Variants in RANBP2 observed in about 807,000 individuals in gnomAD.
RANBP2 encodes RAN binding protein 2, also known as E3 SUMO-protein ligase RanBP2.
A neutral mutation model predicts 303.6 loss-of-function variants in RANBP2; 57 were observed. That is an observed-to-expected ratio of 0.19 (90% CI 0.15 to 0.23). The LOEUF is 0.23. RANBP2 is among the 10% of genes least tolerant of loss of function. The pLI, the probability that RANBP2 is intolerant of heterozygous loss-of-function variation, is 1.00. For synonymous variants in RANBP2, 1,167 were observed against 1,301.5 expected, an observed-to-expected ratio of 0.90 and a Z score of 2.23; for missense variants, 3,138 against 3,780.8, an observed-to-expected ratio of 0.83 and a Z score of 4.46.
chr2:109,718,350 T>C, the RANBP2 span, among the ~76,000 whole-genome samples: 2 of 152,164 alleles, frequency 1.3e-5, no homozygotes, highest in African/African-American at 4.8e-5. Context: ...AAAGAAAATG[T>C]GGTATATCCA....
chr2:108,998,491 C>T, the RANBP2 span, among the ~76,000 whole-genome samples: 8 of 152,218 alleles, frequency 5.3e-5, no homozygotes, highest in Non-Finnish European at 1.0e-4. Flanking sequence ...CAATCCTCCT[C>T]GTTTCCTGAA....
At chr2:109,398,698 G>T in the RANBP2 span, 1 of 1,611,802 alleles carries the variant, frequency 6.2e-7, no homozygotes, top group Non-Finnish European at 8.5e-7. Flanking sequence ...GGCCAGCGTG[G>T]CCCCAAGTCC....
the RANBP2 span, among the ~76,000 whole-genome samples, chr2:109,120,233 C>T: frequency 2.0e-5 from 3 of 152,184 alleles, no homozygotes; most frequent in African/African-American, 4.8e-5. Flanking sequence ...GGGAGGGCCT[C>T]CCAGTATAGG....
At chr2:108,959,557 C>A in the RANBP2 span, among the ~76,000 whole-genome samples, 5 of 152,120 alleles carry the variant, frequency 3.3e-5, no homozygotes, top group Non-Finnish European at 7.3e-5. Context: ...TTCCAAGGGA[C>A]CTGGTTCTCA....
At chr2:109,193,585 T>A in the RANBP2 span, among the ~76,000 whole-genome samples, 2 of 152,192 alleles carry the variant, frequency 1.3e-5, no homozygotes, top group Non-Finnish European at 2.9e-5. Context: ...GTGCCATTCA[T>A]TTTTTTAATG....
At chr2:108,957,737 C>A in the RANBP2 span, among the ~76,000 whole-genome samples, 1 of 152,226 alleles carries the variant, frequency 6.6e-6, no homozygotes. Context: ...AGAAGCCTCA[C>A]AATCCATGTT....
the RANBP2 span, among the ~76,000 whole-genome samples, chr2:108,828,119 T>TA: frequency 2.6e-5 from 4 of 151,820 alleles, no homozygotes; most frequent in South Asian, 2.1e-4. Context: ...GGTTTACCAT[T>TA]AAAAAAAAGA....
At chr2:109,614,016 C>T in the RANBP2 span, 8 of 1,203,454 alleles carry the variant, frequency 6.6e-6, no homozygotes, top group Non-Finnish European at 8.2e-6. Context: ...TTGGGGCGGA[C>T]GCCCTGTGGT....
chr2:109,571,188 G>C, the RANBP2 span, among the ~76,000 whole-genome samples: 1 of 152,156 alleles, frequency 6.6e-6, no homozygotes, highest in East Asian at 1.9e-4. Flanking sequence ...CCCCAGCCAG[G>C]CTTCTTGTAC....
chr2:108,777,782 C>T (rs1724204), intron 25 of RANBP2, among the ~76,000 whole-genome samples: 54,512 of 151,874 alleles, frequency 0.36, 12,964 homozygotes, highest in African/African-American at 0.68. Context: ...GTAAGGCCAT[C>T]CATTATATTT....
the RANBP2 span, among the ~76,000 whole-genome samples, chr2:109,098,086 A>T: frequency 2.6e-5 from 4 of 152,156 alleles, no homozygotes; most frequent in Non-Finnish European, 5.9e-5. Flanking sequence ...CCGCATCACC[A>T]GGATCCCTTC....
chr2:109,593,406 G>A, the RANBP2 span, among the ~76,000 whole-genome samples: 12 of 99,050 alleles, frequency 1.2e-4, no homozygotes, highest in Non-Finnish European at 1.8e-4. Flanking sequence ...GAGAGAGAAA[G>A]AACTTTTTTT....
intron 7 of RANBP2, among the ~76,000 whole-genome samples, chr2:108,746,235 T>C (rs974137800): frequency 7.9e-4 from 95 of 120,758 alleles, no homozygotes; most frequent in Non-Finnish European, 1.1e-3. Context: ...TTTTTTGCGA[T>C]GGAGCCTCGC....
At chr2:109,431,775 G>C in the RANBP2 span, among the ~76,000 whole-genome samples, 1 of 152,140 alleles carries the variant, frequency 6.6e-6, no homozygotes, top group Non-Finnish European at 1.5e-5. Flanking sequence ...GGAGGCTGAG[G>C]TGGGAGGATC....
At chr2:109,476,765 T>G in the RANBP2 span, among the ~76,000 whole-genome samples, 1 of 152,220 alleles carries the variant, frequency 6.6e-6, no homozygotes, top group African/African-American at 2.4e-5. Context: ...ACAGCAGCCC[T>G]GAGGGCTGCT....
At chr2:109,078,991 A>C in the RANBP2 span, among the ~76,000 whole-genome samples, 2 of 150,914 alleles carry the variant, frequency 1.3e-5, no homozygotes, top group East Asian at 3.9e-4. Flanking sequence ...ACTCTGTTTC[A>C]AAAAAAAAGG....
chr2:109,031,419 C>A, the RANBP2 span, among the ~76,000 whole-genome samples: 1 of 152,104 alleles, frequency 6.6e-6, no homozygotes, highest in South Asian at 2.1e-4. Context: ...GTTCCCCTTA[C>A]GACGGAATCA....
At chr2:109,003,049 T>C in the RANBP2 span, among the ~76,000 whole-genome samples, 3 of 150,880 alleles carry the variant, frequency 2.0e-5, no homozygotes, top group Non-Finnish European at 4.4e-5. Context: ...CTACGAAAAA[T>C]ACAAAAATTA....
the RANBP2 span, chr2:109,545,454 C>T: frequency 6.5e-7 from 1 of 1,536,160 alleles, no homozygotes; most frequent in Non-Finnish European, 8.7e-7. Context: ...CTGTGGCCCT[C>T]TCTACCTTTC....
Sources: gnomAD v4.1 joint callset for allele counts (sites outside exome capture counted in the v4.1 genomes callset) on GRCh38, gnomAD v4.1.1 for gene constraint, MANE v1.5 for transcripts, NCBI Gene and HGNC (gene_info 2026-07-23, HGNC 2026-07-21) for gene names.